Variants in SLC7A2 observed in about 807,000 individuals in gnomAD.
The protein encoded by SLC7A2 is cationic amino acid transporter 2.
In SLC7A2, 48 loss-of-function variants were observed where a neutral mutation model predicts 58.9. The observed-to-expected ratio is 0.82, with a 90% CI of 0.65 to 1.04. SLC7A2 has a LOEUF of 1.04. Among genes scored for constraint, SLC7A2 ranks in the 50% least tolerant of loss-of-function variants. The pLI is 0.00. For missense variants in SLC7A2, 1,029 were observed against 818.8 expected, an observed-to-expected ratio of 1.26 and a Z score of -3.13; for synonymous variants, 363 against 314.5, an observed-to-expected ratio of 1.15 and a Z score of -1.63.
At chr8:17,525,239 T>TA (rs1801177504) in intron 2 of SLC7A2, among the ~76,000 whole-genome samples, 1 of 152,052 alleles carries the variant, frequency 6.6e-6, no homozygotes, top group South Asian at 2.1e-4. Context: ...TTGAAGAAAA[T>TA]AGAGTATTTA....
intron 4 of SLC7A2, among the ~76,000 whole-genome samples, chr8:17,545,374 T>C (rs1299146372): frequency 6.6e-6 from 1 of 151,854 alleles, no homozygotes; most frequent in South Asian, 2.1e-4. Context: ...TCTGTCTCCT[T>C]ATATTTGTTT....
intron 5 of SLC7A2, among the ~76,000 whole-genome samples, chr8:17,549,689 T>C (rs1199747993): frequency 6.6e-6 from 1 of 152,226 alleles, no homozygotes; most frequent in Non-Finnish European, 1.5e-5. Flanking sequence ...ATTACACAAA[T>C]ATCTATTGCA....
chr8:17,525,058 C>A (rs777561545), intron 2 of SLC7A2, among the ~76,000 whole-genome samples: 19 of 152,132 alleles, frequency 1.2e-4, no homozygotes, highest in Non-Finnish European at 2.1e-4. Context: ...ACATATTCCC[C>A]CCATTCTCTA....
At chr8:17,547,178 C>T (rs1015769567) in intron 4 of SLC7A2, among the ~76,000 whole-genome samples, 1 of 152,146 alleles carries the variant, frequency 6.6e-6, no homozygotes, top group Non-Finnish European at 1.5e-5. Context: ...GTTTAATGGA[C>T]TCACAGTTCC....
intron 2 of SLC7A2, among the ~76,000 whole-genome samples, chr8:17,517,871 C>T (rs912206415): frequency 6.6e-6 from 1 of 152,054 alleles, no homozygotes; most frequent in Non-Finnish European, 1.5e-5. Flanking sequence ...CTCACTGCTT[C>T]TGGGTTATGC....
chr8:17,563,092 A>G (rs1233850666), intron 11 of SLC7A2, among the ~76,000 whole-genome samples: 1 of 152,320 alleles, frequency 6.6e-6, no homozygotes, highest in Non-Finnish European at 1.5e-5. Context: ...GCAGTGAGCT[A>G]TCATAGTATC....
intron 2 of SLC7A2, among the ~76,000 whole-genome samples, chr8:17,520,117 T>A (rs368412317): frequency 6.6e-6 from 1 of 152,206 alleles, no homozygotes. Flanking sequence ...ATTTTGAGAT[T>A]TCAATAAGTG....
At chr8:17,528,233 A>T (rs1563450937) in intron 2 of SLC7A2, among the ~76,000 whole-genome samples, 1 of 152,204 alleles carries the variant, frequency 6.6e-6, no homozygotes, top group African/African-American at 2.4e-5. Flanking sequence ...AGAACAAAGC[A>T]AAAAGAATTA....
At chr8:17,552,119 T>C (rs1487034078) in intron 7 of SLC7A2, 133 bp downstream of exon 7, 3 of 667,286 alleles carry the variant, frequency 4.5e-6, no homozygotes, top group Non-Finnish European at 7.8e-6. Flanking sequence ...TATTTATTGA[T>C]TGGCTTGCTC....
chr8:17,565,099 A>T lies in SLC7A2; in HGVS notation c.1930A>T (p.Asn644Tyr). ...AIQANDHHPRNLSSPFIFHEK... is the reference protein window; with the variant it reads ...AIQANDHHPRYLSSPFIFHEK... Reference sequence around the variant, plus strand: ...TCAAGCAAATGACCATCACCCAAGAAATCTCAGTTCACCTTTCATATTCCA... The same window carrying T: ...TCAAGCAAATGACCATCACCCAAGATATCTCAGTTCACCTTTCATATTCCA... The change falls in exon 13 of 13, where the codon AAT becomes TAT. Residue 644 changes from asparagine (N) to tyrosine (Y), a missense_variant. Coordinates refer to ENST00000494857, the MANE Select transcript of SLC7A2 (RefSeq NM_001370338.1). 6.2e-7 allele frequency: 1 copy of T among 1,613,916 alleles called. No individual in the cohort carries two copies. Among genetic ancestry groups the T allele is most frequent in the Non-Finnish European group, 8.5e-7 (1 of 1,179,910 alleles).
chr8:17,547,159 G>T (rs1313787656), intron 4 of SLC7A2, among the ~76,000 whole-genome samples: 1 of 152,108 alleles, frequency 6.6e-6, no homozygotes, highest in African/African-American at 2.4e-5. Context: ...AATTTATGAA[G>T]AAAAAGAGGT....
chr8:17,496,082 G>A (rs2150626391), upstream of SLC7A2, among the ~76,000 whole-genome samples: 1 of 152,334 alleles, frequency 6.6e-6, no homozygotes, highest in East Asian at 1.9e-4. Context: ...GTGGGTTAAA[G>A]GGACGTTTAC....
rs1327292229 is a variant in SLC7A2, at chr8:17,543,422, C to A, written c.83C>A (p.Thr28Asn). Reference sequence around the variant, plus strand: ...GTGACCCTGGACAGTCTAGAAGACACCAAATTATGCCGCTGCTTATCCACC... The same window carrying A: ...GTGACCCTGGACAGTCTAGAAGACAACAAATTATGCCGCTGCTTATCCACC... ...KIVTLDSLED[T>N]KLCRCLSTMD... The change falls in exon 3 of 13, where the codon ACC becomes AAC. Residue 28 changes from threonine (T) to asparagine (N), a missense_variant. By Grantham distance (65) the Thr-to-Asn change is moderately conservative. Coordinates refer to ENST00000494857, the MANE Select transcript of SLC7A2 (RefSeq NM_001370338.1). 1.2e-6 allele frequency: 2 copies of A among 1,614,066 alleles called. No individual in the cohort carries two copies. Among genetic ancestry groups the A allele is most frequent in the East Asian group, 2.2e-5 (1 of 44,882 alleles).
In SLC7A2 at chr8:17,565,272, A is replaced by G. The variant is rs2150789397; in HGVS notation, c.*126A>G. The G allele has an allele frequency of 2.9e-6, 2 of 699,954 alleles. No homozygotes were observed. Among genetic ancestry groups the G allele is most frequent in the East Asian group, 5.5e-5 (2 of 36,508 alleles). 43.4% of individuals were successfully genotyped at this position (699,954 alleles called of 1,614,324 possible). On this transcript the variant is annotated 3_prime_UTR_variant, in exon 13 of 13. Coordinates refer to ENST00000494857, the MANE Select transcript of SLC7A2 (RefSeq NM_001370338.1). ...CTGCATACATAGTTCACCCTAATTT[A>G]TACTTACTCATCTGGACAGCATCTC...
intron 2 of SLC7A2, among the ~76,000 whole-genome samples, chr8:17,508,656 G>A (rs1045202715): frequency 1.3e-5 from 2 of 152,054 alleles, no homozygotes; most frequent in Admixed American, 6.6e-5. Flanking sequence ...CCTGGGAGAT[G>A]GAGGTTACAG....
chr8:17,534,452 A>G (rs1409734189), intron 2 of SLC7A2, among the ~76,000 whole-genome samples: 1 of 152,180 alleles, frequency 6.6e-6, no homozygotes, highest in East Asian at 1.9e-4. Flanking sequence ...GGGTTACTGA[A>G]CTGTGGCAAG....
At position 17,554,656 on chromosome 8, in the gene SLC7A2, G is replaced by A. The variant is rs370956110; in HGVS notation, c.1152G>A (p.Thr384=). 3.3e-5 allele frequency: 53 copies of A among 1,613,094 alleles called. No individual in the cohort carries two copies. The highest frequency in any genetic ancestry group is 4.3e-5 in the Non-Finnish European group (51 of 1,179,744). ...FKCLAQINSK[T]KTPIIATLSS... ...GTCTAGCTCAAATCAATTCCAAAAC[G>A]AAGACACCAATAATTGCTACTTTAT... The change falls in exon 8 of 13, where the codon ACG becomes ACA. Residue 384 remains threonine, a synonymous_variant. Coordinates refer to ENST00000494857, the MANE Select transcript of SLC7A2 (RefSeq NM_001370338.1).
Position 17,569,119 on chromosome 8 carries a change from C to G in SLC7A2, c.*3973C>G, listed in dbSNP as rs1275220098. 6.6e-6 allele frequency: 1 copy of G among 152,154 alleles called. No individual in the cohort carries two copies. The highest frequency in any genetic ancestry group is 1.9e-4 in the East Asian group (1 of 5,194). The allele number at this position is 152,154 out of a possible 1,614,324, so 9.4% of individuals were successfully genotyped here. On this transcript the variant is annotated 3_prime_UTR_variant, in exon 13 of 13. Transcript: ENST00000494857. ...GCACTTGAGCCTTGCCTTCCCTCCT[C>G]TTAAATCAGGGTGTGTTCCGAGATT...
At chr8:17,562,724 A>G (rs566908707) in intron 11 of SLC7A2, among the ~76,000 whole-genome samples, 4 of 152,304 alleles carry the variant, frequency 2.6e-5, no homozygotes, top group African/African-American at 9.6e-5. Flanking sequence ...CTATCACAAT[A>G]TTATTATATA....
Sources: gnomAD v4.1 joint callset for allele counts (sites outside exome capture counted in the v4.1 genomes callset) on GRCh38, gnomAD v4.1.1 for gene constraint, MANE v1.5 for transcripts, NCBI Gene and HGNC (gene_info 2026-07-23, HGNC 2026-07-21) for gene names.